Variants in FRMD4A observed in about 807,000 individuals in gnomAD.
The protein encoded by FRMD4A is FERM domain-containing protein 4A.
A neutral mutation model predicts 129.1 loss-of-function variants in FRMD4A; 29 were observed. The observed-to-expected ratio is 0.22, with a 90% CI of 0.17 to 0.31. FRMD4A has a LOEUF of 0.31. Among genes scored for constraint, FRMD4A ranks in the 10% least tolerant of loss-of-function variants. FRMD4A has a pLI of 1.00. For missense variants in FRMD4A, 1,272 were observed against 1,375.8 expected (o/e 0.92, Z 1.19); for synonymous variants, 634 against 571.6 (o/e 1.11, Z -1.56).
At chr10:13,998,724 AG>A (rs1324812919) in intron 2 of FRMD4A, among the ~76,000 whole-genome samples, 23 of 152,174 alleles carry the variant, frequency 1.5e-4, no homozygotes, top group African/African-American at 5.5e-4. Flanking sequence ...TCTCCCTTCT[AG>A]ATAAATTCAG....
At chr10:14,102,237 A>T (rs1019674210) in intron 2 of FRMD4A, among the ~76,000 whole-genome samples, 5 of 152,138 alleles carry the variant, frequency 3.3e-5, no homozygotes, top group Non-Finnish European at 5.9e-5. Context: ...CATTCAACAG[A>T]TGCACTGGGC....
intron 2 of FRMD4A, among the ~76,000 whole-genome samples, chr10:14,094,973 G>A (rs891651970): frequency 1.1e-4 from 16 of 152,014 alleles, no homozygotes; most frequent in African/African-American, 3.6e-4. Context: ...AGTGTGGGGG[G>A]GAACCAAGAG....
At chr10:13,972,370 T>A in intron 2 of FRMD4A, 1 of 963,926 alleles carries the variant, frequency 1.0e-6, no homozygotes, top group Non-Finnish European at 1.2e-6. Context: ...CTGGAGAAAT[T>A]GCTATTTCTG....
At chr10:13,918,636 C>A (rs375390058) in intron 2 of FRMD4A, among the ~76,000 whole-genome samples, 1 of 152,160 alleles carries the variant, frequency 6.6e-6, no homozygotes, top group East Asian at 1.9e-4. Flanking sequence ...TCAAGTGATT[C>A]TCCTGCCTCA....
At chr10:14,219,275 C>T (rs1019505427) in intron 2 of FRMD4A, among the ~76,000 whole-genome samples, 1 of 152,124 alleles carries the variant, frequency 6.6e-6, no homozygotes, top group African/African-American at 2.4e-5. Context: ...TAAGGGGCAA[C>T]CATTCTTCTG....
intron 2 of FRMD4A, among the ~76,000 whole-genome samples, chr10:14,103,420 A>G (rs1211154801): frequency 3.3e-5 from 5 of 152,080 alleles, no homozygotes; most frequent in Non-Finnish European, 7.4e-5. Flanking sequence ...TCAAGTAGCT[A>G]TTTGGGGCTG....
chr10:13,761,531 T>C (rs965041164), intron 8 of FRMD4A, 116 bp downstream of exon 8: 1 of 730,804 alleles, frequency 1.4e-6, no homozygotes, highest in South Asian at 1.7e-5. Flanking sequence ...GATCTCATCA[T>C]TAACATATAA....
chr10:13,925,835 G>T (rs984790791), intron 2 of FRMD4A, among the ~76,000 whole-genome samples: 1 of 150,186 alleles, frequency 6.7e-6, no homozygotes, highest in African/African-American at 2.4e-5. Context: ...TGCCCACCTC[G>T]GCCTCCCAGA....
intron 2 of FRMD4A, among the ~76,000 whole-genome samples, chr10:14,139,628 T>C (rs1839733314): frequency 6.6e-6 from 1 of 151,682 alleles, no homozygotes; most frequent in South Asian, 2.1e-4. Flanking sequence ...TTTTTTGTGA[T>C]TTGTAGAGAT....
chr10:14,317,551 G>C (rs1323078951), intron 2 of FRMD4A, among the ~76,000 whole-genome samples: 1 of 152,062 alleles, frequency 6.6e-6, no homozygotes, highest in Non-Finnish European at 1.5e-5. Context: ...TAAACTTCTT[G>C]AGAGCAGGGA....
chr10:14,269,666 A>G (rs557176116), intron 2 of FRMD4A, among the ~76,000 whole-genome samples: 2 of 152,324 alleles, frequency 1.3e-5, no homozygotes, highest in South Asian at 2.1e-4. Flanking sequence ...GTCCACCTGC[A>G]TAATTAGGAT....
At chr10:13,754,082 A>C (rs2091753001) in intron 8 of FRMD4A, among the ~76,000 whole-genome samples, 1 of 152,162 alleles carries the variant, frequency 6.6e-6, no homozygotes, top group African/African-American at 2.4e-5. Flanking sequence ...TCTCAGTATC[A>C]CCCTTTAGTT....
chr10:13,907,338 C>A (rs567518602), intron 2 of FRMD4A, among the ~76,000 whole-genome samples: 1 of 152,104 alleles, frequency 6.6e-6, no homozygotes, highest in Admixed American at 6.5e-5. Context: ...TGTACATTAT[C>A]TATAATCTGC....
At chr10:14,016,168 C>T (rs867482323) in intron 2 of FRMD4A, among the ~76,000 whole-genome samples, 2 of 152,244 alleles carry the variant, frequency 1.3e-5, no homozygotes, top group South Asian at 2.1e-4. Context: ...AGACCTGGCC[C>T]TCTTCCAGGG....
intron 2 of FRMD4A, among the ~76,000 whole-genome samples, chr10:14,160,300 T>C (rs1416491260): frequency 6.6e-6 from 1 of 151,954 alleles, no homozygotes; most frequent in Non-Finnish European, 1.5e-5. Flanking sequence ...CAAAAGTGAG[T>C]TAAAAGCTTA....
intron 12 of FRMD4A, chr10:13,710,537 C>CT (rs1405313213): frequency 1.3e-5 from 2 of 152,300 alleles, no homozygotes; most frequent in Non-Finnish European, 2.9e-5. Flanking sequence ...GCTCCCAGGC[C>CT]TATCCCCGGG....
At chr10:14,131,401 C>CCCT (rs1011892585) in intron 2 of FRMD4A, among the ~76,000 whole-genome samples, 5 of 151,790 alleles carry the variant, frequency 3.3e-5, no homozygotes, top group Admixed American at 2.0e-4. Context: ...ACTGTGCCCC[C>CCCT]CCCGGCCGCC....
intron 2 of FRMD4A, among the ~76,000 whole-genome samples, chr10:14,167,922 T>A (rs751982441): frequency 2.0e-5 from 3 of 152,200 alleles, no homozygotes; most frequent in African/African-American, 7.2e-5. Flanking sequence ...GCAGTGTTTC[T>A]GCAACACGTG....
intron 2 of FRMD4A, among the ~76,000 whole-genome samples, chr10:13,918,232 T>C (rs2698116): frequency 0.98 from 149,490 of 152,252 alleles, 73,466 homozygotes; most frequent in East Asian, 1. Flanking sequence ...CTGTTGTATC[T>C]CCAGAGCCTT....
Sources: allele counts gnomAD v4.1 joint callset (sites outside exome capture counted in the v4.1 genomes callset), GRCh38; gene constraint gnomAD v4.1.1; transcripts MANE v1.5; gene names NCBI Gene and HGNC (gene_info 2026-07-23, HGNC 2026-07-21).